CBFA2T3: variants seen among roughly 807,000 people sequenced by gnomAD.
CBFA2T3 encodes the protein transcriptional corepressor CBFA2T3.
In CBFA2T3, 31 loss-of-function variants were observed where a neutral mutation model predicts 58.6. The observed-to-expected ratio is 0.53, with a 90% CI of 0.40 to 0.71. CBFA2T3 has a LOEUF of 0.71. Among genes scored for constraint, CBFA2T3 ranks in the 30% least tolerant of loss-of-function variants. The pLI, the probability that CBFA2T3 is intolerant of heterozygous loss-of-function variation, is 0.00. For missense variants in CBFA2T3, 1,076 were observed against 963.1 expected (o/e 1.12, Z -1.55); for synonymous variants, 531 against 421.9 (o/e 1.26, Z -3.17).
At position 88,880,899 on chromosome 16, in the gene CBFA2T3, C is replaced by G. The variant is rs575236780; in HGVS notation, c.1403-111G>C. The stretch of plus-strand genomic sequence containing the variant: ...AGTGCAGGGCGTGAGTGTGTGCGTC[C>G]CTGGGGGGAGGCCCAGGTGCCCTCG... On this transcript the variant is annotated intron_variant, in intron 9 of 11. Coordinates refer to ENST00000268679, the MANE Select transcript of CBFA2T3 (RefSeq NM_005187.6). 38 of 1,034,608 alleles carry G rather than the reference C, an allele frequency of 3.7e-5. No individual in the cohort carries two copies. The African/African-American group carries it at 4.4e-4, about 12-fold the overall frequency. 64.1% of individuals were successfully genotyped at this position (1,034,608 alleles called of 1,614,324 possible).
chr16:88,904,642 C>T (rs973178389), intron 1 of CBFA2T3, among the ~76,000 whole-genome samples: 3 of 152,192 alleles, frequency 2.0e-5, no homozygotes, highest in Admixed American at 6.5e-5. Flanking sequence ...CTGGTGGTGT[C>T]CTCCCCTCCG....
At chr16:88,880,639 C>T in intron 10 of CBFA2T3, 81 bp downstream of exon 10, 2 of 1,206,158 alleles carry the variant, frequency 1.7e-6, no homozygotes, top group Non-Finnish European at 2.4e-6. Flanking sequence ...AGAAGCTCTT[C>T]AAAGCTGAGC....
intron 1 of CBFA2T3, among the ~76,000 whole-genome samples, chr16:88,975,777 C>T (rs980495339): frequency 1.1e-4 from 17 of 152,252 alleles, no homozygotes; most frequent in Admixed American, 5.2e-4. Flanking sequence ...CTCAGGCAGC[C>T]GCCGCCAGGA....
At chr16:88,918,125 T>C (rs913200786) in intron 1 of CBFA2T3, among the ~76,000 whole-genome samples, 5 of 152,178 alleles carry the variant, frequency 3.3e-5, no homozygotes, top group Admixed American at 1.3e-4. Flanking sequence ...GTGGCCTCCC[T>C]GGTGCTGACT....
intron 1 of CBFA2T3, among the ~76,000 whole-genome samples, chr16:88,933,188 C>T (rs1352852871): frequency 3.9e-5 from 6 of 152,376 alleles, no homozygotes; most frequent in East Asian, 1.9e-4. Context: ...GTGCACCTCC[C>T]GTTTGCCTCA....
At chr16:88,907,286 T>TC (rs535558573) in intron 1 of CBFA2T3, among the ~76,000 whole-genome samples, 98 of 151,890 alleles carry the variant, frequency 6.5e-4, no homozygotes, top group Non-Finnish European at 1.2e-3. Flanking sequence ...GCACCTGCTG[T>TC]CCCCACCCTG....
intron 1 of CBFA2T3, among the ~76,000 whole-genome samples, chr16:88,947,008 C>G (rs1971920896): frequency 6.6e-6 from 1 of 152,202 alleles, no homozygotes; most frequent in African/African-American, 2.4e-5. Context: ...GTATGACAGT[C>G]TAATGGTAGA....
At chr16:88,881,606 C>G in intron 8 of CBFA2T3, 117 bp from the exon 9 acceptor site, 1 of 1,055,776 alleles carries the variant, frequency 9.5e-7, no homozygotes, top group Non-Finnish European at 1.4e-6. Flanking sequence ...GCCCACCGCC[C>G]GTGAGAGTAA....
intron 1 of CBFA2T3, among the ~76,000 whole-genome samples, chr16:88,908,556 G>A (rs542052076): frequency 1.1e-4 from 16 of 152,238 alleles, no homozygotes; most frequent in East Asian, 1.9e-4. Flanking sequence ...TCACTTCCCC[G>A]TCCGTGGGGG....
intron 1 of CBFA2T3, among the ~76,000 whole-genome samples, chr16:88,946,553 G>A (rs565910516): frequency 4.0e-5 from 6 of 150,840 alleles, no homozygotes; most frequent in Non-Finnish European, 8.9e-5. Flanking sequence ...CATGATCTTG[G>A]CTCACTGCAA....
At position 88,892,355 on chromosome 16, in the gene CBFA2T3, C is replaced by A. The variant is rs757387348; in HGVS notation, c.510G>T (p.Gly170=). The A allele has an allele frequency of 6.2e-7, 1 of 1,613,358 alleles. No individual in the cohort carries two copies. The highest frequency in any genetic ancestry group is 8.5e-7 in the Non-Finnish European group (1 of 1,179,972). ...GCTTGAGCTTGCTGAGCTGCCGGGC[C>A]CCGCAGGCTGGGGGCAGGTGCTGTG... ...LSTQHLPPAC[G]ARQLSKLKRF... Residue 170 remains glycine (G), a synonymous_variant, in exon 4 of 12, where the codon GGG becomes GGT. Transcript: ENST00000268679.
Position 88,908,249 on chromosome 16 carries a change from G to A in CBFA2T3, c.152-6593C>T, listed in dbSNP as rs200416357. 1.5e-4 allele frequency among the ~76,000 whole-genome samples: 23 copies of A among 152,212 alleles called. No individual in the cohort carries two copies. In the East Asian group the frequency reaches 3.3e-3, roughly 22 times the overall value. On this transcript the variant is annotated intron_variant, in intron 1 of 11. Transcript: ENST00000268679. ...CCCAGCTACTTAGGAGGCTGAGGCC[G>A]GAGAATTACTTCAGCCTGGAAGGCA...
chr16:88,908,198 C>T (rs562092275), intron 1 of CBFA2T3, among the ~76,000 whole-genome samples: 5 of 152,198 alleles, frequency 3.3e-5, no homozygotes, highest in East Asian at 3.9e-4. Flanking sequence ...AAAAATTAGC[C>T]GAGCGTAGTG....
chr16:88,893,804 C>CA (rs1301611432), intron 3 of CBFA2T3, among the ~76,000 whole-genome samples: 1 of 152,196 alleles, frequency 6.6e-6, no homozygotes, highest in Non-Finnish European at 1.5e-5. Flanking sequence ...GAGCTAAGGC[C>CA]AAGCCTCTTG....
At chr16:88,965,968 T>A (rs1972490646) in intron 1 of CBFA2T3, among the ~76,000 whole-genome samples, 1 of 152,176 alleles carries the variant, frequency 6.6e-6, no homozygotes, top group African/African-American at 2.4e-5. Context: ...TGGGCTGATG[T>A]CAGGGGAGGG....
chr16:88,883,043 C>T (rs1969192295), intron 7 of CBFA2T3, among the ~76,000 whole-genome samples: 1 of 152,160 alleles, frequency 6.6e-6, no homozygotes, highest in East Asian at 1.9e-4. Context: ...GAAACTGAGG[C>T]TGGTTAAGAG....
rs1431635832 is a variant in CBFA2T3 at position 88,876,578 on chromosome 16, T to A, written c.*398A>T. On this transcript the variant is annotated 3_prime_UTR_variant, in exon 12 of 12. Coordinates refer to ENST00000268679, the MANE Select transcript of CBFA2T3 (RefSeq NM_005187.6). ...ATTTTTTCATTGAAGAGAAAGTGTG[T>A]GATAGTCATAGAGAGAGAGAGGATA... 5 of 257,772 alleles carry A rather than the reference T, an allele frequency of 1.9e-5. No individual in the cohort carries two copies. Among genetic ancestry groups the A allele is most frequent in the Non-Finnish European group, 3.7e-5 (5 of 136,660 alleles). The allele number at this position is 257,772 out of a possible 1,614,324, so 16.0% of individuals were successfully genotyped here.
intron 1 of CBFA2T3, among the ~76,000 whole-genome samples, chr16:88,961,079 C>T (rs1972342745): frequency 6.6e-6 from 1 of 152,186 alleles, no homozygotes. Context: ...TCGCTGTGGG[C>T]AGGTGGTGGA....
chr16:88,909,194 C>A (rs1970439540), intron 1 of CBFA2T3, among the ~76,000 whole-genome samples: 1 of 152,216 alleles, frequency 6.6e-6, no homozygotes, highest in Admixed American at 6.5e-5. Context: ...TCTTGCAAAG[C>A]CTTTTCTGGG....
Sources: allele counts gnomAD v4.1 joint callset (sites outside exome capture counted in the v4.1 genomes callset), GRCh38; gene constraint gnomAD v4.1.1; transcripts MANE v1.5; gene names NCBI Gene and HGNC (gene_info 2026-07-23, HGNC 2026-07-21).